The following KCNMA1 variants were observed in gnomAD, a reference collection of about 807,000 sequenced individuals.
The protein encoded by KCNMA1 is Calcium-activated potassium channel subunit alpha-1.
In KCNMA1, 29 loss-of-function variants were observed where a neutral mutation model predicts 140.0. The ratio of observed to expected loss-of-function variants is 0.21; its 90% CI spans 0.15 to 0.28. KCNMA1 has a LOEUF of 0.28. KCNMA1 is among the 10% of genes least tolerant of loss of function. KCNMA1 has a pLI of 1.00. For synonymous variants in KCNMA1, 612 were observed against 611.9 expected (o/e 1.00, Z 0.00); for missense variants, 880 against 1,602.2 (o/e 0.55, Z 7.70).
chr10:77,322,479 C>T (rs1439853353), intron 2 of KCNMA1, among the ~76,000 whole-genome samples: 1 of 152,180 alleles, frequency 6.6e-6, no homozygotes. Flanking sequence ...ATGTGTTTAT[C>T]AGAACTCAAA....
chr10:76,970,125 C>T, intron 19 of KCNMA1, 58 bp from the exon 20 acceptor site: 1 of 1,316,194 alleles, frequency 7.6e-7, no homozygotes, highest in Non-Finnish European at 1.1e-6. Context: ...CTGTGCAATA[C>T]AGGCAAAATA....
chr10:77,517,978 T>TA (rs957771573), intron 1 of KCNMA1, among the ~76,000 whole-genome samples: 7 of 152,268 alleles, frequency 4.6e-5, no homozygotes, highest in African/African-American at 1.7e-4. Flanking sequence ...GAGGGGCCGT[T>TA]AATCAGGGTA....
chr10:77,153,146 G>A (rs1285188940), intron 5 of KCNMA1, among the ~76,000 whole-genome samples: 1 of 152,142 alleles, frequency 6.6e-6, no homozygotes, highest in Non-Finnish European at 1.5e-5. Flanking sequence ...ATTAAATGAG[G>A]ATTTCCCAAA....
At chr10:77,046,570 T>A (rs534703589) in intron 14 of KCNMA1, among the ~76,000 whole-genome samples, 15 of 152,330 alleles carry the variant, frequency 9.8e-5, no homozygotes, top group African/African-American at 3.4e-4. Flanking sequence ...TCTTGCGTTT[T>A]CTCATTTCTT....
At chr10:76,932,185 T>C (rs1309904632) in intron 23 of KCNMA1, among the ~76,000 whole-genome samples, 2 of 152,152 alleles carry the variant, frequency 1.3e-5, no homozygotes, top group South Asian at 2.1e-4. Context: ...TGACAATATT[T>C]TTTCCCAGCA....
intron 1 of KCNMA1, among the ~76,000 whole-genome samples, chr10:77,482,986 TCACATACA>T (rs1268039237): frequency 2.7e-5 from 2 of 75,416 alleles, no homozygotes; most frequent in African/African-American, 1.3e-4. Flanking sequence ...TCTCTCTCTC[TCACATACA>T]CACACACACA....
intron 4 of KCNMA1, 53 bp from the exon 5 acceptor site, chr10:77,183,585 G>T: frequency 1.6e-6 from 2 of 1,216,046 alleles, no homozygotes; most frequent in Non-Finnish European, 2.4e-6. Flanking sequence ...CATGGTGCTG[G>T]CATCCAATGT....
At chr10:77,380,198 C>T (rs761812737) in intron 2 of KCNMA1, among the ~76,000 whole-genome samples, 1 of 152,176 alleles carries the variant, frequency 6.6e-6, no homozygotes, top group African/African-American at 2.4e-5. Flanking sequence ...AGGCATCACA[C>T]TCACTGTCAC....
intron 9 of KCNMA1, among the ~76,000 whole-genome samples, chr10:77,096,316 C>A (rs2096931295): frequency 6.6e-6 from 1 of 152,154 alleles, no homozygotes; most frequent in Non-Finnish European, 1.5e-5. Flanking sequence ...CTGCACCCAC[C>A]AGACACTGAT....
chr10:76,935,454 A>T (rs781555510), intron 23 of KCNMA1, among the ~76,000 whole-genome samples: 1 of 152,230 alleles, frequency 6.6e-6, no homozygotes, highest in Admixed American at 6.5e-5. Flanking sequence ...GATCAACTCC[A>T]TGTGCCCTTG....
intron 24 of KCNMA1, chr10:76,911,275 A>G (rs1442720797): frequency 2.0e-5 from 3 of 152,186 alleles, no homozygotes; most frequent in African/African-American, 4.8e-5. Flanking sequence ...TAGGCATGGA[A>G]TTAGTATTTT....
chr10:77,251,151 A>G (rs1177698644), intron 3 of KCNMA1, 44 bp downstream of exon 3: 1 of 1,431,868 alleles, frequency 7.0e-7, no homozygotes. Flanking sequence ...AAGGCTCATG[A>G]TTGTTTATGA....
intron 2 of KCNMA1, among the ~76,000 whole-genome samples, chr10:77,360,107 G>A (rs140144978): frequency 3.1e-3 from 468 of 152,324 alleles, no homozygotes; most frequent in Non-Finnish European, 5.7e-3. Context: ...AATATTTCTT[G>A]GAACTGAATA....
At chr10:77,026,064 G>C (rs1169050570) in intron 16 of KCNMA1, among the ~76,000 whole-genome samples, 1 of 150,720 alleles carries the variant, frequency 6.6e-6, no homozygotes, top group Non-Finnish European at 1.5e-5. Context: ...AAACATCTCA[G>C]AATTGTGACT....
chr10:77,126,796 G>C (rs1449039788), intron 5 of KCNMA1, among the ~76,000 whole-genome samples: 3 of 137,182 alleles, frequency 2.2e-5, no homozygotes, highest in Non-Finnish European at 4.5e-5. Flanking sequence ...GCCTCAATTT[G>C]GGATACTTTT....
chr10:77,464,930 A>G (rs1233429322), intron 1 of KCNMA1, among the ~76,000 whole-genome samples: 1 of 152,230 alleles, frequency 6.6e-6, no homozygotes, highest in Non-Finnish European at 1.5e-5. Context: ...CCATTAGCCC[A>G]GGGCTGAAGT....
chr10:77,244,693 C>T (rs908176879), intron 3 of KCNMA1, among the ~76,000 whole-genome samples: 1 of 152,140 alleles, frequency 6.6e-6, no homozygotes, highest in Non-Finnish European at 1.5e-5. Flanking sequence ...GGCTTTCACT[C>T]GATTCCTGAA....
At chr10:77,549,560 G>A (rs1184458828) in intron 1 of KCNMA1, among the ~76,000 whole-genome samples, 8 of 152,224 alleles carry the variant, frequency 5.3e-5, no homozygotes, top group Admixed American at 4.6e-4. Flanking sequence ...TGAGAAGAGC[G>A]AACCCAGCCC....
intron 1 of KCNMA1, among the ~76,000 whole-genome samples, chr10:77,595,063 T>C (rs1156391296): frequency 2.0e-5 from 3 of 152,144 alleles, no homozygotes; most frequent in African/African-American, 7.2e-5. Flanking sequence ...AAGGTTTTAG[T>C]GGTCGGGCGC....
Sources: gnomAD v4.1 joint callset for allele counts (sites outside exome capture counted in the v4.1 genomes callset) on GRCh38, gnomAD v4.1.1 for gene constraint, MANE v1.5 for transcripts, NCBI Gene and HGNC (gene_info 2026-07-23, HGNC 2026-07-21) for gene names.